PLS1: variants seen among roughly 807,000 people sequenced by gnomAD.
PLS1 encodes the protein plastin-1.
In PLS1, 32 loss-of-function variants were observed where a neutral mutation model predicts 73.7. The observed-to-expected ratio is 0.43, with a 90% CI of 0.33 to 0.58. The LOEUF is 0.58. Ranked by LOEUF, PLS1 falls within the 20% of genes least tolerant of loss-of-function variation. The pLI is 0.04. For missense variants in PLS1, 633 were observed against 740.5 expected (o/e 0.85, Z 1.68); for synonymous variants, 217 against 261.3 (o/e 0.83, Z 1.63).
chr3:142,689,488 C>T, intron 9 of PLS1, 130 bp from the exon 10 acceptor site: 1 of 419,192 alleles, frequency 2.4e-6, no homozygotes, highest in Non-Finnish European at 4.2e-6. Context: ...GGAATTACTA[C>T]ACATTTTGAT....
Position 142,678,044 on chromosome 3 carries a change from C to T in PLS1, c.510C>T (p.Asn170=). 1 of 1,516,300 alleles carries T rather than the reference C, an allele frequency of 6.6e-7. No homozygotes were observed. Among genetic ancestry groups the T allele is most frequent in the South Asian group, 1.2e-5 (1 of 80,574 alleles). The allele number at this position is 1,516,300 out of a possible 1,614,324, so 93.9% of individuals were successfully genotyped here. The change falls in exon 6 of 16, where the codon AAC becomes AAT. Residue 170 remains asparagine (N), a synonymous_variant. Coordinates refer to ENST00000457734, the MANE Select transcript of PLS1 (RefSeq NM_001145319.2). ...ATTTTCTCTTTAGCAAAATGATCAA[C>T]TTATCTGAACCAGATACAATTGATG... is the stretch of plus-strand genomic sequence containing the variant. The part of the protein sequence containing the change: ...ADGILLCKMI[N]LSEPDTIDER...
intron 10 of PLS1, among the ~76,000 whole-genome samples, chr3:142,691,468 G>A (rs752012982): frequency 4.6e-5 from 7 of 152,044 alleles, no homozygotes; most frequent in Admixed American, 2.6e-4. Context: ...AAAATGATCT[G>A]CTTTTTATAG....
intron 2 of PLS1, among the ~76,000 whole-genome samples, chr3:142,666,292 A>G (rs1447567369): frequency 2.0e-5 from 3 of 152,186 alleles, no homozygotes; most frequent in Non-Finnish European, 2.9e-5. Context: ...CTGAAACTCC[A>G]TATCCATTAA....
At chr3:142,641,145 AGACCCAGAGTGAT>A in intron 1 of PLS1, among the ~76,000 whole-genome samples, 1 of 145,742 alleles carries the variant, frequency 6.9e-6, no homozygotes, top group African/African-American at 2.5e-5. Flanking sequence ...TGGGTGACAG[AGACCCAGAGTGAT>A]TATATATATA....
rs1243070445 is a variant in PLS1, at chr3:142,684,321, C to A, written c.814C>A (p.Leu272Met). 11 of 1,613,838 alleles carry A rather than the reference C, an allele frequency of 6.8e-6. No homozygotes were observed. The highest frequency in any genetic ancestry group is 9.3e-6 in the Non-Finnish European group (11 of 1,179,824). The change falls in exon 8 of 16, where the codon CTG (leucine) becomes ATG (methionine). Residue 272 changes from leucine to methionine, a missense_variant. Transcript: ENST00000457734. Reference sequence around the variant, plus strand: ...GATGAAGCTTTCTCCCGAGGAATTACTGCTGCGATGGGTGAACTACCATCT... The same window carrying A: ...GATGAAGCTTTCTCCCGAGGAATTAATGCTGCGATGGGTGAACTACCATCT... ...ELMKLSPEELLLRWVNYHLTN... is the reference protein window; with the variant it reads ...ELMKLSPEELMLRWVNYHLTN...
chr3:142,630,064 A>G (rs1478154741), intron 1 of PLS1, among the ~76,000 whole-genome samples: 2 of 152,168 alleles, frequency 1.3e-5, no homozygotes, highest in Non-Finnish European at 2.9e-5. Flanking sequence ...ATTTAACTGC[A>G]TCCAAGAATA....
intron 1 of PLS1, among the ~76,000 whole-genome samples, chr3:142,661,736 T>A (rs150962592): frequency 4.8e-4 from 73 of 152,342 alleles, no homozygotes; most frequent in African/African-American, 1.6e-3. Flanking sequence ...TGTTTTCACT[T>A]ATTTTCTGAG....
At chr3:142,700,312 T>C (rs1316445486) in intron 12 of PLS1, among the ~76,000 whole-genome samples, 2 of 149,278 alleles carry the variant, frequency 1.3e-5, no homozygotes, top group African/African-American at 5.1e-5. Flanking sequence ...TTATTATTAT[T>C]ATTATTTTAT....
chr3:142,618,258 G>T (rs1284163504), intron 1 of PLS1, among the ~76,000 whole-genome samples: 1 of 151,986 alleles, frequency 6.6e-6, no homozygotes, highest in Non-Finnish European at 1.5e-5. Context: ...AACAAACTCT[G>T]CCTACCCCCC....
intron 2 of PLS1, 39 bp from the exon 3 acceptor site, chr3:142,669,351 C>A (rs1479540794): frequency 1.5e-5 from 18 of 1,233,512 alleles, no homozygotes; most frequent in Admixed American, 2.3e-5. Flanking sequence ...ACACCTTCAA[C>A]AAAGATTACA....
At chr3:142,690,004 C>T (rs1368310476) in intron 10 of PLS1, among the ~76,000 whole-genome samples, 191 bp downstream of exon 10, 1 of 152,066 alleles carries the variant, frequency 6.6e-6, no homozygotes, top group Non-Finnish European at 1.5e-5. Context: ...TGGGGTAAAT[C>T]TTTTATTTCT....
chr3:142,677,204 C>T (rs1048316282), intron 5 of PLS1, among the ~76,000 whole-genome samples: 2 of 152,176 alleles, frequency 1.3e-5, no homozygotes, highest in African/African-American at 4.8e-5. Context: ...GATGAAATCT[C>T]TGGCTTCGTA....
intron 1 of PLS1, among the ~76,000 whole-genome samples, chr3:142,648,551 C>A (rs973719327): frequency 6.6e-6 from 1 of 152,034 alleles, no homozygotes; most frequent in Non-Finnish European, 1.5e-5. Context: ...TTATGAGTAG[C>A]AATATAGTGA....
intron 1 of PLS1, among the ~76,000 whole-genome samples, chr3:142,640,160 G>A (rs1195808402): frequency 6.6e-6 from 1 of 152,178 alleles, no homozygotes; most frequent in Non-Finnish European, 1.5e-5. Flanking sequence ...TATTTGAAAT[G>A]TATATTGTTT....
Position 142,678,100 on chromosome 3 carries a change from C to T in PLS1, c.566C>T (p.Pro189Leu). 6.6e-7 allele frequency: 1 copy of T among 1,519,152 alleles called. No individual in the cohort carries two copies. Among genetic ancestry groups the T allele is most frequent in the Non-Finnish European group, 9.0e-7 (1 of 1,115,590 alleles). 94.1% of individuals were successfully genotyped at this position (1,519,152 alleles called of 1,614,324 possible). ...ERAINKKKLT[P>L]FTISENLNLA... ...GCCATCAATAAGAAAAAGCTCACGC[C>T]ATTCACTATTTCTGTAAGTATTTGC... Residue 189 changes from proline (P) to leucine (L), a missense_variant, in exon 6 of 16, where the codon CCA becomes CTA. Transcript: ENST00000457734.
In PLS1 at chr3:142,704,537, A is replaced by G. The variant is rs2038409737; in HGVS notation, c.1580A>G (p.Asn527Ser). 5.0e-6 allele frequency: 8 copies of G among 1,601,708 alleles called. 1 individual carries two copies. Among genetic ancestry groups the G allele is most frequent in the African/African-American group, 4.0e-5 (3 of 74,536 alleles). ...GATGAAATTATAATTAAATGGGTCA[A>G]TCAGACTCTTAAAAGTGCAAACAAA... The part of the protein sequence containing the change: ...VNDEIIIKWV[N>S]QTLKSANKKT... Residue 527 changes from asparagine (N) to serine (S), a missense_variant, in exon 14 of 16, where the codon AAT (asparagine) becomes AGT (serine). Transcript: ENST00000457734.
chr3:142,708,144 A>G (rs868440162), intron 14 of PLS1, among the ~76,000 whole-genome samples: 3 of 152,184 alleles, frequency 2.0e-5, no homozygotes, highest in Non-Finnish European at 4.4e-5. Context: ...TGGCATTGCT[A>G]ATATATAAAG....
At chr3:142,650,474 C>T (rs2037063009) in intron 1 of PLS1, among the ~76,000 whole-genome samples, 1 of 152,112 alleles carries the variant, frequency 6.6e-6, no homozygotes, top group South Asian at 2.1e-4. Flanking sequence ...TCTACTTCCT[C>T]TCTGATTCAG....
chr3:142,651,304 A>G (rs760558866), intron 1 of PLS1, among the ~76,000 whole-genome samples: 8 of 151,890 alleles, frequency 5.3e-5, no homozygotes, highest in Non-Finnish European at 1.2e-4. Flanking sequence ...TACTAAAAAT[A>G]TACAAAAATT....
Sources: allele counts gnomAD v4.1 joint callset (sites outside exome capture counted in the v4.1 genomes callset), GRCh38; gene constraint gnomAD v4.1.1; transcripts MANE v1.5; gene names NCBI Gene and HGNC (gene_info 2026-07-23, HGNC 2026-07-21).